Variants in POLD2 observed in about 807,000 individuals in gnomAD.
The protein encoded by POLD2 is DNA polymerase delta subunit 2.
A neutral mutation model predicts 48.8 loss-of-function variants in POLD2; 31 were observed. The ratio of observed to expected loss-of-function variants is 0.64; its 90% CI spans 0.48 to 0.86. The LOEUF (loss-of-function observed/expected upper bound fraction) is 0.86, where lower values mean the gene tolerates loss of function less well. Among genes scored for constraint, POLD2 ranks in the 40% least tolerant of loss-of-function variants. The probability of loss-of-function intolerance (pLI) is 0.00; values close to 1 mark genes in which losing one functional copy is unlikely to be tolerated. For synonymous variants in POLD2, 233 were observed against 256.3 expected, an observed-to-expected ratio of 0.91 and a Z score of 0.87; for missense variants, 455 against 610.1, an observed-to-expected ratio of 0.75 and a Z score of 2.68.
At position 44,116,294 on chromosome 7, in the gene POLD2, G is replaced by C. The variant is rs967035838; in HGVS notation, c.862-22C>G. 5.0e-6 allele frequency: 8 copies of C among 1,600,008 alleles called. No individual in the cohort carries two copies. The highest frequency in any genetic ancestry group is 6.8e-6 in the Non-Finnish European group (8 of 1,171,706). On this transcript the variant is annotated intron_variant, in intron 7 of 10. Coordinates refer to ENST00000610533, the MANE Select transcript of POLD2 (RefSeq NM_006230.4). The surrounding 1 kb of genome is among the most constrained non-coding windows in gnomAD (Gnocchi z 6.1). ...AGGCCTGGAAGGCACAGGGCAGGGA[G>C]AGCTCACAGGGCCCCGAAGGAGCCC...
At chr7:44,118,108 C>G (rs370725318) in intron 2 of POLD2, 44 bp from the exon 3 acceptor site, 14 of 1,605,704 alleles carry the variant, frequency 8.7e-6, no homozygotes, top group East Asian at 6.7e-5. Context: ...GTAGCCCCCC[C>G]GCCCGACAGA....
chr7:44,119,069 A>T (rs2096244911), intron 2 of POLD2, among the ~76,000 whole-genome samples: 1 of 150,208 alleles, frequency 6.7e-6, no homozygotes, highest in Admixed American at 6.6e-5. Context: ...GATACTCAAA[A>T]TGCAGACCTC....
chr7:44,116,253 AC>A lies in POLD2; in HGVS notation c.880del (p.Val294Ter), dbSNP rs765679311. 1 of 1,611,302 alleles carries A rather than the reference AC, an allele frequency of 6.2e-7. No individual in the cohort carries two copies. Among genetic ancestry groups the A allele is most frequent in the Non-Finnish European group, 8.5e-7 (1 of 1,178,520 alleles). ...GGTGGGATCAAACTCGCCTGGCATCACGTCCACGGGCACTGAGGCCTGGAAG... is the reference window on the plus strand; with the variant it reads ...GGTGGGATCAAACTCGCCTGGCATCAGTCCACGGGCACTGAGGCCTGGAAG... ...LQLSASVPVD[V>X]MPGEFDPTNY... On this transcript the variant is annotated frameshift_variant, in exon 8 of 11. Transcript: ENST00000610533. LOFTEE classifies it high-confidence loss of function. The surrounding 1 kb of genome is among the most constrained non-coding windows in gnomAD (Gnocchi z 6.1).
chr7:44,122,206 A>G, intron 1 of POLD2, 97 bp from the exon 2 acceptor site: 1 of 1,440,506 alleles, frequency 6.9e-7, no homozygotes, highest in African/African-American at 1.4e-5. Context: ...CTGGGAAAAG[A>G]AGGAGAACAG....
At chr7:44,119,017 C>G (rs186271237) in intron 2 of POLD2, among the ~76,000 whole-genome samples, 1 of 150,692 alleles carries the variant, frequency 6.6e-6, no homozygotes, top group African/African-American at 2.5e-5. Context: ...CCCTACCCCC[C>G]ACCCCCAACC....
At position 44,114,704 on chromosome 7, in the gene POLD2, C is replaced by T. The variant is rs1010191271; in HGVS notation, c.*81G>A. The T allele has an allele frequency of 7.0e-5, 101 of 1,436,362 alleles. No homozygotes were observed. Among genetic ancestry groups the T allele is most frequent in the Non-Finnish European group, 9.4e-5 (99 of 1,052,440 alleles). The allele number at this position is 1,436,362 out of a possible 1,614,324, so 89.0% of individuals were successfully genotyped here. A position where few individuals can be genotyped will look rare whatever the true frequency, so the allele number is the denominator to read the frequency against. ...CTCAAGGCTCGCATCAGCAAGTGCT[C>T]AGGCTTTATTTACAATGCCGACACT... On this transcript the variant is annotated 3_prime_UTR_variant, in exon 11 of 11. Coordinates refer to ENST00000610533, the MANE Select transcript of POLD2 (RefSeq NM_006230.4).
intron 2 of POLD2, among the ~76,000 whole-genome samples, chr7:44,119,453 G>T (rs1177992975): frequency 2.0e-5 from 3 of 152,086 alleles, no homozygotes; most frequent in Non-Finnish European, 4.4e-5. Flanking sequence ...CTCAAAACAA[G>T]ACAAGAAGGA....
rs1422893138 is a variant in POLD2, at chr7:44,117,527, CT to C, written c.466+91del. ...CGTGTGCCCAGGCCACACCCCCCCA[CT>C]CCCCCCAGGCTCCCCACTCACACCA... is the stretch of plus-strand genomic sequence containing the variant. On this transcript the variant is annotated intron_variant, in intron 4 of 10. Coordinates refer to ENST00000610533, the MANE Select transcript of POLD2 (RefSeq NM_006230.4). The C allele has an allele frequency of 2.7e-6, 4 of 1,478,428 alleles. No individual in the cohort carries two copies. In the African/African-American group the frequency reaches 5.6e-5, roughly 21 times the overall value. The allele number at this position is 1,478,428 out of a possible 1,614,324, so 91.6% of individuals were successfully genotyped here.
upstream of POLD2, chr7:44,123,802 CG>C (rs1195640240): frequency 1.5e-5 from 15 of 991,822 alleles, no homozygotes; most frequent in Non-Finnish European, 1.9e-5. Flanking sequence ...GTTGGGCTGA[CG>C]GGGGGTGTCG....
At chr7:44,118,095 G>T in intron 2 of POLD2, 31 bp from the exon 3 acceptor site, 2 of 1,611,824 alleles carry the variant, frequency 1.2e-6, no homozygotes, top group South Asian at 1.1e-5. Context: ...ACTCAGAGAT[G>T]AAGTAGCCCC....
intron 1 of POLD2, 143 bp downstream of exon 1, chr7:44,123,368 C>T (rs1029502024): frequency 1.4e-6 from 2 of 1,412,736 alleles, no homozygotes; most frequent in African/African-American, 1.5e-5. Flanking sequence ...GGGGCTGTCC[C>T]AGTCACGGCG....
In POLD2 at chr7:44,116,821, T is replaced by C. The variant is rs765899610; in HGVS notation, c.776A>G (p.Asn259Ser). 3.7e-6 allele frequency: 6 copies of C among 1,613,488 alleles called. No individual in the cohort carries two copies. The highest frequency in any genetic ancestry group is 5.1e-6 in the Non-Finnish European group (6 of 1,179,982). The change falls in exon 6 of 11, where the codon AAT (asparagine) becomes AGT (serine). Residue 259 changes from asparagine (N) to serine (S), a missense_variant. Asn to Ser is a conservative substitution (Grantham distance 46). Coordinates refer to ENST00000610533, the MANE Select transcript of POLD2 (RefSeq NM_006230.4). This position sits in a 1 kb window ranked among gnomAD's most constrained non-coding sequence, Gnocchi z 6.1. Reference sequence around the variant, plus strand: ...GCAGCCAGGTGGGCTCCATACCTTATTGATAGAATCCCTGCTCTGGGTGCT... The same window carrying C: ...GCAGCCAGGTGGGCTCCATACCTTACTGATAGAATCCCTGCTCTGGGTGCT... Reference protein sequence around the residue: ...SHSTQSRDSINKAKYLTKKTQ... With the variant: ...SHSTQSRDSISKAKYLTKKTQ...
chr7:44,115,455 G>T, intron 9 of POLD2, 59 bp from the exon 10 acceptor site: 1 of 1,103,952 alleles, frequency 9.1e-7, no homozygotes, highest in Non-Finnish European at 1.4e-6. Context: ...ACTCTGCACA[G>T]GATGTGGGGC....
Position 44,116,489 on chromosome 7 carries a change from T to C in POLD2, c.802A>G (p.Thr268Ala). 2 of 1,580,926 alleles carry C rather than the reference T, an allele frequency of 1.3e-6. No homozygotes were observed. The highest frequency in any genetic ancestry group is 1.7e-6 in the Non-Finnish European group (2 of 1,162,822). The change falls in exon 7 of 11, where the codon ACC becomes GCC. Residue 268 changes from threonine (T) to alanine (A), a missense_variant. Transcript: ENST00000610533. The surrounding 1 kb of genome is among the most constrained non-coding windows in gnomAD (Gnocchi z 6.1). ...ACAGCCTCCACGCTGGCTGCCTGGG[T>C]TTTCTTGGTGAGGTATTTGGCCTGG... ...INKAKYLTKKTQAASVEAVKM... is the reference protein window; with the variant it reads ...INKAKYLTKKAQAASVEAVKM...
At chr7:44,115,489 G>A in intron 9 of POLD2, 93 bp from the exon 10 acceptor site, 2 of 871,994 alleles carry the variant, frequency 2.3e-6, no homozygotes, top group Admixed American at 1.9e-5. Context: ...CCCATTGCAG[G>A]CCAGTAGGAG....
At chr7:44,123,263 C>CT in intron 1 of POLD2, 1 of 1,357,410 alleles carries the variant, frequency 7.4e-7, no homozygotes, top group Non-Finnish European at 9.4e-7. Context: ...GCACACGTGT[C>CT]TAACGAGTGA....
rs3217946 is a variant in POLD2 at position 44,123,530 on chromosome 7, C to G, written c.-76G>C. The stretch of plus-strand genomic sequence containing the variant: ...ACTCACCGCGCGGCGCGCCGCATCC[C>G]GCCAATCCCCGCGCGCCTGCCCCGC... On this transcript the variant is annotated 5_prime_UTR_variant, in exon 1 of 11. Coordinates refer to ENST00000610533, the MANE Select transcript of POLD2 (RefSeq NM_006230.4). The G allele has an allele frequency of 0.014, 20,618 of 1,488,192 alleles. 159 individuals are homozygous for G. The highest frequency in any genetic ancestry group is 0.024 in the Middle Eastern group (100 of 4,236). 92.2% of individuals were successfully genotyped at this position (1,488,192 alleles called of 1,614,324 possible). A position where few individuals can be genotyped will look rare whatever the true frequency, so the allele number is the denominator to read the frequency against.
chr7:44,117,798 G>A, intron 3 of POLD2, 56 bp from the exon 4 acceptor site: 10 of 1,610,488 alleles, frequency 6.2e-6, no homozygotes, highest in South Asian at 4.4e-5. Flanking sequence ...CAAAGCTCTG[G>A]TGTTAGTGAG....
chr7:44,116,025 G>GCCA lies in POLD2; in HGVS notation c.1019+87_1019+89dup. ...ATGCTAGGTGGGCCTCTGCAGCCCT[G>GCCA]CCACCTTCCTGGGCCCTCCCTCCCC... On this transcript the variant is annotated intron_variant, in intron 8 of 10. Transcript: ENST00000610533. This position sits in a 1 kb window ranked among gnomAD's most constrained non-coding sequence, Gnocchi z 6.1. The GCCA allele has an allele frequency of 6.3e-7, 1 of 1,595,982 alleles. No individual in the cohort carries two copies. The highest frequency in any genetic ancestry group is 1.1e-5 in the South Asian group (1 of 89,846).
Sources: gnomAD v4.1 joint callset for allele counts (sites outside exome capture counted in the v4.1 genomes callset) on GRCh38, gnomAD v4.1.1 for gene constraint, Gnocchi (gnomAD v3.1) non-coding constraint, MANE v1.5 for transcripts, NCBI Gene and HGNC (gene_info 2026-07-23, HGNC 2026-07-21) for gene names.